SENP5: variants seen among roughly 807,000 people sequenced by gnomAD.
SENP5 encodes the protein sentrin-specific protease 5.
In SENP5, 21 loss-of-function variants were observed where a neutral mutation model predicts 74.2. The ratio of observed to expected loss-of-function variants is 0.28; its 90% CI spans 0.20 to 0.41. The LOEUF is 0.41. Ranked by LOEUF, SENP5 falls within the 10% of genes least tolerant of loss-of-function variation. SENP5 has a pLI of 1.00. For synonymous variants in SENP5, 311 were observed against 312.7 expected (o/e 0.99, Z 0.06); for missense variants, 717 against 889.1 (o/e 0.81, Z 2.46).
intron 6 of SENP5, among the ~76,000 whole-genome samples, chr3:196,913,667 T>TC: frequency 6.8e-6 from 1 of 146,358 alleles, no homozygotes; most frequent in Non-Finnish European, 1.5e-5. Flanking sequence ...TTTTTTTTTT[T>TC]TTGATGGAGT....
At chr3:196,902,229 G>A (rs942311228) in intron 5 of SENP5, among the ~76,000 whole-genome samples, 5 of 152,214 alleles carry the variant, frequency 3.3e-5, no homozygotes, top group African/African-American at 4.8e-5. Flanking sequence ...CAATCTTCTC[G>A]CCTTAGCCTC....
intron 1 of SENP5, among the ~76,000 whole-genome samples, chr3:196,884,068 A>T (rs1281469067): frequency 9.9e-5 from 15 of 152,230 alleles, no homozygotes; most frequent in Non-Finnish European, 1.5e-5. Flanking sequence ...TTCCATATTG[A>T]CTTAATTATA....
intron 8 of SENP5, chr3:196,929,400 A>G (rs1235052161): frequency 2.4e-6 from 1 of 420,224 alleles, no homozygotes; most frequent in Non-Finnish European, 4.2e-6. Context: ...TTGATTTCCC[A>G]TTTCTCATAT....
chr3:196,908,996 T>G (rs1209339926), intron 6 of SENP5, among the ~76,000 whole-genome samples: 2 of 150,788 alleles, frequency 1.3e-5, no homozygotes, highest in East Asian at 3.9e-4. Context: ...TTTGAAAAAA[T>G]TAACAAAAAA....
intron 6 of SENP5, among the ~76,000 whole-genome samples, chr3:196,906,388 C>G (rs1217792403): frequency 6.6e-6 from 1 of 152,068 alleles, no homozygotes; most frequent in East Asian, 1.9e-4. Context: ...TTTTTGCTTT[C>G]ACAAAGTCTG....
chr3:196,874,328 G>C (rs1036332808), intron 1 of SENP5, among the ~76,000 whole-genome samples: 2 of 150,718 alleles, frequency 1.3e-5, no homozygotes, highest in African/African-American at 2.4e-5. Flanking sequence ...CAGGCTTCTT[G>C]AACAATTTTT....
intron 7 of SENP5, among the ~76,000 whole-genome samples, chr3:196,926,639 C>CTTTTT (rs1192258612): frequency 7.9e-6 from 1 of 126,684 alleles, no homozygotes. Context: ...TCCAGTCCAC[C>CTTTTT]TTTTTTTTTT....
intron 2 of SENP5, among the ~76,000 whole-genome samples, chr3:196,898,633 A>T (rs1056293402): frequency 6.6e-6 from 1 of 151,892 alleles, no homozygotes; most frequent in Non-Finnish European, 1.5e-5. Context: ...GTGCTTCACT[A>T]GCTGGGTGTG....
chr3:196,894,113 GTGGTT>G (rs933875027), intron 2 of SENP5, among the ~76,000 whole-genome samples: 5 of 129,600 alleles, frequency 3.9e-5, no homozygotes, highest in African/African-American at 1.4e-4. Flanking sequence ...AGATATTAAT[GTGGTT>G]TTTTTTTTTT....
chr3:196,926,090 G>A (rs1379694142), intron 7 of SENP5, among the ~76,000 whole-genome samples: 1 of 152,188 alleles, frequency 6.6e-6, no homozygotes, highest in African/African-American at 2.4e-5. Flanking sequence ...TTATTCACTA[G>A]TGTCCCCAGC....
At chr3:196,923,798 T>G (rs1449545322) in intron 7 of SENP5, among the ~76,000 whole-genome samples, 1 of 152,180 alleles carries the variant, frequency 6.6e-6, no homozygotes, top group Non-Finnish European at 1.5e-5. Context: ...TAAAACTACA[T>G]CTTGAATGTG....
In SENP5 at chr3:196,933,252, G is replaced by A. The variant is rs1716114553; in HGVS notation, c.*2329G>A. 1 of 152,124 alleles carries A rather than the reference G, an allele frequency of 6.6e-6. No homozygotes were observed. The highest frequency in any genetic ancestry group is 1.5e-5 in the Non-Finnish European group (1 of 68,056). 9.4% of individuals were successfully genotyped at this position (152,124 alleles called of 1,614,324 possible). A position where few individuals can be genotyped will look rare whatever the true frequency, so the allele number is the denominator to read the frequency against. On this transcript the variant is annotated 3_prime_UTR_variant, in exon 10 of 10. Coordinates refer to ENST00000323460, the MANE Select transcript of SENP5 (RefSeq NM_152699.5). ...GCTGGTCTTGAACTCCTGACCTCAA[G>A]TGATCTGCCCGCCTGGGCCTCCCAA... is the stretch of plus-strand genomic sequence containing the variant.
intron 9 of SENP5, among the ~76,000 whole-genome samples, chr3:196,930,564 C>T (rs1315723133): frequency 6.6e-6 from 1 of 152,182 alleles, no homozygotes; most frequent in Non-Finnish European, 1.5e-5. Context: ...TTGTGAACTG[C>T]AGATGCGAGG....
At chr3:196,872,516 A>G (rs1202379394) in intron 1 of SENP5, among the ~76,000 whole-genome samples, 3 of 152,092 alleles carry the variant, frequency 2.0e-5, no homozygotes, top group African/African-American at 7.2e-5. Context: ...TTGTTCATTT[A>G]ACTCAACTAT....
At chr3:196,890,853 G>A (rs1184468348) in intron 2 of SENP5, among the ~76,000 whole-genome samples, 1 of 152,198 alleles carries the variant, frequency 6.6e-6, no homozygotes, top group African/African-American at 2.4e-5. Context: ...TAAATTTAGT[G>A]TAGTAAAATT....
chr3:196,924,340 A>G (rs1715733916), intron 7 of SENP5, among the ~76,000 whole-genome samples: 1 of 152,230 alleles, frequency 6.6e-6, no homozygotes, highest in Non-Finnish European at 1.5e-5. Flanking sequence ...TATGATGCAA[A>G]TAACAGACAA....
At chr3:196,883,510 T>G (rs948043645) in intron 1 of SENP5, among the ~76,000 whole-genome samples, 4 of 152,162 alleles carry the variant, frequency 2.6e-5, no homozygotes, top group African/African-American at 7.2e-5. Context: ...TGGGTCATCC[T>G]CCTCAGAAAG....
At chr3:196,890,827 A>G (rs1008141210) in intron 2 of SENP5, among the ~76,000 whole-genome samples, 11 of 152,214 alleles carry the variant, frequency 7.2e-5, no homozygotes, top group African/African-American at 2.4e-4. Context: ...ACACAAATAC[A>G]TACACAAACT....
chr3:196,907,177 AGATAATGAACGATGG>A (rs1463419652), intron 6 of SENP5, among the ~76,000 whole-genome samples: 1 of 152,208 alleles, frequency 6.6e-6, no homozygotes, highest in Non-Finnish European at 1.5e-5. Context: ...AAAGCTGTGT[AGATAATGAACGATGG>A]GCCGGGCACA....
Sources: allele counts gnomAD v4.1 joint callset (sites outside exome capture counted in the v4.1 genomes callset), GRCh38; gene constraint gnomAD v4.1.1; transcripts MANE v1.5; gene names NCBI Gene and HGNC (gene_info 2026-07-23, HGNC 2026-07-21).